ARHGAP15: variants seen among roughly 807,000 people sequenced by gnomAD.
ARHGAP15 encodes rho GTPase-activating protein 15.
ARHGAP15 carries 51 observed loss-of-function variants against 63.7 expected under a neutral mutation model. That is an observed-to-expected ratio of 0.80 (90% CI 0.64 to 1.01). The LOEUF (loss-of-function observed/expected upper bound fraction) is 1.01. Among genes scored for constraint, ARHGAP15 ranks in the 50% least tolerant of loss-of-function variants. The probability of loss-of-function intolerance (pLI) is 0.00; values close to 1 mark genes in which losing one functional copy is unlikely to be tolerated. For missense variants in ARHGAP15, 560 were observed against 564.6 expected (o/e 0.99, Z 0.08); for synonymous variants, 191 against 193.8 (o/e 0.99, Z 0.12).
intron 11 of ARHGAP15, among the ~76,000 whole-genome samples, chr2:143,571,531 G>A (rs745663873): frequency 1.3e-5 from 2 of 152,164 alleles, no homozygotes; most frequent in Non-Finnish European, 2.9e-5. Context: ...TAGAGAGAAG[G>A]TGACATGAAA....
chr2:143,534,535 C>T (rs1326011903), intron 10 of ARHGAP15, among the ~76,000 whole-genome samples: 1 of 87,286 alleles, frequency 1.1e-5, no homozygotes, highest in Non-Finnish European at 2.4e-5. Flanking sequence ...CTGATGATTT[C>T]ATGGGAGAAT....
intron 6 of ARHGAP15, among the ~76,000 whole-genome samples, chr2:143,315,272 A>G (rs774568990): frequency 1.1e-4 from 17 of 152,214 alleles, no homozygotes; most frequent in Non-Finnish European, 2.2e-4. Context: ...TATACATATA[A>G]CATTACGGTA....
chr2:143,170,688 C>A (rs1485670868), intron 2 of ARHGAP15, among the ~76,000 whole-genome samples: 4 of 152,198 alleles, frequency 2.6e-5, no homozygotes, highest in African/African-American at 4.8e-5. Context: ...AAAACTCAAC[C>A]CCCTGCCTAG....
intron 6 of ARHGAP15, chr2:143,435,308 T>A: frequency 9.4e-7 from 1 of 1,063,918 alleles, no homozygotes; most frequent in Non-Finnish European, 1.1e-6. Context: ...TGTCTGCAGT[T>A]CTCTGAACTT....
intron 6 of ARHGAP15, among the ~76,000 whole-genome samples, chr2:143,367,368 A>T (rs913814623): frequency 6.6e-6 from 1 of 151,592 alleles, no homozygotes. Context: ...TTTTCTCTTT[A>T]TTTGCCATCT....
intron 1 of ARHGAP15, among the ~76,000 whole-genome samples, chr2:143,138,961 G>A (rs1346283068): frequency 1.3e-5 from 2 of 151,942 alleles, no homozygotes; most frequent in African/African-American, 2.4e-5. Context: ...TAAACTACAT[G>A]TGTGTGGCTC....
At chr2:143,638,668 A>AAGAAAAAAAAATAT (rs1680456173) in intron 12 of ARHGAP15, among the ~76,000 whole-genome samples, 1 of 132,886 alleles carries the variant, frequency 7.5e-6, no homozygotes. Flanking sequence ...AAATAAATAA[A>AAGAAAAAAAAATAT]TAAAAGAAAA....
intron 1 of ARHGAP15, among the ~76,000 whole-genome samples, chr2:143,153,434 T>C (rs1689915199): frequency 6.6e-6 from 1 of 152,006 alleles, no homozygotes. Context: ...TTTTGAATAA[T>C]ACATTACTCA....
intron 6 of ARHGAP15, among the ~76,000 whole-genome samples, chr2:143,355,757 T>A (rs1280743615): frequency 1.3e-5 from 2 of 152,154 alleles, no homozygotes; most frequent in South Asian, 4.1e-4. Context: ...CAAGATATAT[T>A]ATGTTTGGTT....
At chr2:143,512,424 G>A (rs536513897) in intron 9 of ARHGAP15, among the ~76,000 whole-genome samples, 2 of 152,256 alleles carry the variant, frequency 1.3e-5, no homozygotes, top group South Asian at 2.1e-4. Context: ...AAATGAGAAA[G>A]GACCATCCCC....
chr2:143,573,634 C>A (rs1379161907), intron 11 of ARHGAP15, among the ~76,000 whole-genome samples: 2 of 152,156 alleles, frequency 1.3e-5, no homozygotes, highest in Non-Finnish European at 2.9e-5. Context: ...TTTATAATCA[C>A]CCCATCCTTC....
intron 8 of ARHGAP15, among the ~76,000 whole-genome samples, chr2:143,441,118 A>G (rs549107561): frequency 3.3e-5 from 5 of 152,174 alleles, no homozygotes; most frequent in Middle Eastern, 3.4e-3. Context: ...ATTATCCTCC[A>G]TGTCCCCAAG....
At chr2:143,437,620 G>A (rs1005498288) in intron 8 of ARHGAP15, among the ~76,000 whole-genome samples, 1 of 152,206 alleles carries the variant, frequency 6.6e-6, no homozygotes, top group African/African-American at 2.4e-5. Context: ...GTGATCTTGA[G>A]TATCTTTCTT....
chr2:143,338,274 A>AAATAAACAT (rs1469677632), intron 6 of ARHGAP15, among the ~76,000 whole-genome samples: 1 of 152,178 alleles, frequency 6.6e-6, no homozygotes, highest in East Asian at 1.9e-4. Flanking sequence ...AAGTAAATAG[A>AAATAAACAT]AATAAACATA....
intron 11 of ARHGAP15, among the ~76,000 whole-genome samples, chr2:143,558,405 A>C (rs570567823): frequency 6.6e-6 from 1 of 152,112 alleles, no homozygotes; most frequent in African/African-American, 2.4e-5. Context: ...TGTTCCCCTT[A>C]CTCTGAGTAG....
chr2:143,763,236 T>C (rs1686827748), intron 13 of ARHGAP15, among the ~76,000 whole-genome samples: 1 of 152,160 alleles, frequency 6.6e-6, no homozygotes, highest in Non-Finnish European at 1.5e-5. Context: ...GTATTCTAAC[T>C]GTATATTTGA....
At chr2:143,544,779 A>G (rs1434555018) in intron 10 of ARHGAP15, among the ~76,000 whole-genome samples, 1 of 152,226 alleles carries the variant, frequency 6.6e-6, no homozygotes, top group African/African-American at 2.4e-5. Flanking sequence ...CTGTTCTTCC[A>G]TTTAATCACA....
chr2:143,294,885 T>A (rs779088908), intron 6 of ARHGAP15, among the ~76,000 whole-genome samples: 1 of 152,030 alleles, frequency 6.6e-6, no homozygotes, highest in African/African-American at 2.4e-5. Flanking sequence ...AAAATTTAAT[T>A]GAATTCTAAG....
intron 5 of ARHGAP15, among the ~76,000 whole-genome samples, chr2:143,241,991 A>T (rs1375033421): frequency 2.0e-5 from 3 of 152,208 alleles, no homozygotes; most frequent in African/African-American, 7.2e-5. Context: ...GAGCAGAAGA[A>T]GGAAAAGGAA....
Sources: allele counts gnomAD v4.1 joint callset (sites outside exome capture counted in the v4.1 genomes callset), GRCh38; gene constraint gnomAD v4.1.1; transcripts MANE v1.5; gene names NCBI Gene and HGNC (gene_info 2026-07-23, HGNC 2026-07-21).